Variants in BORCS5 observed in about 807,000 individuals in gnomAD.
BORCS5 encodes the protein BLOC-1 related complex subunit 5.
In BORCS5, 17 loss-of-function variants were observed where a neutral mutation model predicts 22.1. The observed-to-expected ratio is 0.77, with a 90% CI of 0.53 to 1.15. BORCS5 has a LOEUF of 1.15. BORCS5 is among the 50% of genes most tolerant of loss of function. BORCS5 has a pLI of 0.00. For synonymous variants in BORCS5, 117 were observed against 99.8 expected (o/e 1.17, Z -1.03); for missense variants, 247 against 253.2 (o/e 0.98, Z 0.17).
rs544710514 is a variant in BORCS5, at chr12:12,366,810, TTAG to T, written c.202+5465_202+5467del. ...AAGTTACAAAAATAATTATTCACTCTTAGTAGATGAATATGTGCATATTTACAC... is the reference window on the plus strand; with the variant it reads ...AAGTTACAAAAATAATTATTCACTCTTAGATGAATATGTGCATATTTACAC... On this transcript the variant is annotated intron_variant, in intron 2 of 3. Transcript: ENST00000314565. Among the ~76,000 whole-genome samples the T allele has an allele frequency of 1.6e-3, 245 of 152,328 alleles. 2 individuals are homozygous for T. Among genetic ancestry groups the T allele is most frequent in the Middle Eastern group, 3.4e-3 (1 of 294 alleles).
At chr12:12,447,502 G>A (rs946033403) in intron 3 of BORCS5, among the ~76,000 whole-genome samples, 3 of 152,234 alleles carry the variant, frequency 2.0e-5, no homozygotes, top group African/African-American at 7.2e-5. Flanking sequence ...GCTCCAGCCT[G>A]ATGTCCCGAG....
intron 2 of BORCS5, among the ~76,000 whole-genome samples, chr12:12,363,789 T>C (rs1863346156): frequency 6.6e-6 from 1 of 151,814 alleles, no homozygotes; most frequent in South Asian, 2.1e-4. Flanking sequence ...ACCCAGCTAC[T>C]CAGGAGGCTG....
At chr12:12,361,035 T>A (rs1041951075) in intron 1 of BORCS5, among the ~76,000 whole-genome samples, 171 bp from the exon 2 acceptor site, 5 of 152,174 alleles carry the variant, frequency 3.3e-5, no homozygotes, top group African/African-American at 7.2e-5. Context: ...CCTGAGCTTT[T>A]AAAAATACTA....
intron 3 of BORCS5, among the ~76,000 whole-genome samples, chr12:12,455,799 T>C (rs1472517099): frequency 1.3e-5 from 2 of 149,900 alleles, no homozygotes; most frequent in Non-Finnish European, 3.0e-5. Context: ...AAAAAAGCAG[T>C]CTTGATTAAG....
chr12:12,387,221 A>G (rs547940996), intron 2 of BORCS5, among the ~76,000 whole-genome samples: 1 of 151,318 alleles, frequency 6.6e-6, no homozygotes, highest in South Asian at 2.1e-4. Flanking sequence ...TTTCCTTCTT[A>G]TGGATATACC....
chr12:12,470,773 C>CA lies in BORCS5; in HGVS notation c.*5002dup, dbSNP rs150044934. Among the ~76,000 whole-genome samples, 625 of 150,806 alleles carry CA rather than the reference C, an allele frequency of 4.1e-3. 2 individuals carry two copies. Among genetic ancestry groups the CA allele is most frequent in the Non-Finnish European group, 6.3e-3 (430 of 67,766 alleles). ...AGATAATTATCCACATGCTTCAAAC[C>CA]AAAAAGATAAAAAAGTTGGCAACTA... On this transcript the variant is annotated 3_prime_UTR_variant, in exon 4 of 4. Transcript: ENST00000314565.
At chr12:12,421,419 A>T (rs1942119700) in intron 2 of BORCS5, among the ~76,000 whole-genome samples, 2 of 152,156 alleles carry the variant, frequency 1.3e-5, no homozygotes, top group South Asian at 4.1e-4. Flanking sequence ...CGTGGTAGGT[A>T]AGCTTTTTGA....
In BORCS5 at chr12:12,449,361, G is replaced by C. The variant is rs1264954647; in HGVS notation, c.360+13576G>C. Among the ~76,000 whole-genome samples, 4 of 152,324 alleles carry C rather than the reference G, an allele frequency of 2.6e-5. No individual in the cohort carries two copies. In the South Asian group the frequency reaches 8.3e-4, roughly 32 times the overall value. On this transcript the variant is annotated intron_variant, in intron 3 of 3. Coordinates refer to ENST00000314565, the MANE Select transcript of BORCS5 (RefSeq NM_058169.6). The stretch of plus-strand genomic sequence containing the variant: ...AAGGAACGGGAGGAGTGGGACTTCT[G>C]TCCCTCAGGCTTTTATTTTTACTTG...
At chr12:12,408,192 C>A (rs369989854) in intron 2 of BORCS5, among the ~76,000 whole-genome samples, 10 of 152,230 alleles carry the variant, frequency 6.6e-5, no homozygotes, top group South Asian at 4.1e-4. Flanking sequence ...TTTGTTTATC[C>A]TTTCATCCAT....
intron 2 of BORCS5, among the ~76,000 whole-genome samples, chr12:12,422,249 TA>T (rs1326357947): frequency 6.6e-6 from 1 of 152,152 alleles, no homozygotes; most frequent in Non-Finnish European, 1.5e-5. Context: ...GGTAACACAA[TA>T]ATTTGAATTT....
chr12:12,428,225 A>G (rs888592369), intron 2 of BORCS5, among the ~76,000 whole-genome samples: 2 of 152,226 alleles, frequency 1.3e-5, no homozygotes, highest in Non-Finnish European at 2.9e-5. Flanking sequence ...GCACTGTGCT[A>G]TAGAGAAACT....
At chr12:12,417,638 G>A (rs1299995618) in intron 2 of BORCS5, among the ~76,000 whole-genome samples, 2 of 152,016 alleles carry the variant, frequency 1.3e-5, no homozygotes, top group African/African-American at 2.4e-5. Flanking sequence ...TCTCTCATTA[G>A]GTGTATAAAT....
chr12:12,368,942 A>G (rs907157503), intron 2 of BORCS5, among the ~76,000 whole-genome samples: 11 of 152,330 alleles, frequency 7.2e-5, no homozygotes, highest in Admixed American at 4.6e-4. Flanking sequence ...ATAGTGTTCT[A>G]TAAATATCAC....
Position 12,357,150 on chromosome 12 carries a change from A to C in BORCS5, c.-302A>C. On this transcript the variant is annotated 5_prime_UTR_variant, in exon 1 of 4. Coordinates refer to ENST00000314565, the MANE Select transcript of BORCS5 (RefSeq NM_058169.6). The stretch of plus-strand genomic sequence containing the variant: ...GAAAGCGGCGCCGCCCGCCGGCCGC[A>C]GGTGCGGCAAAGCCAGTGTCATCTG... 5.2e-6 allele frequency: 8 copies of C among 1,532,918 alleles called. No individual in the cohort carries two copies. In the South Asian group the frequency reaches 7.2e-5, roughly 14 times the overall value. 95.0% of individuals were successfully genotyped at this position (1,532,918 alleles called of 1,614,324 possible).
chr12:12,408,139 T>A (rs1941635710), intron 2 of BORCS5, among the ~76,000 whole-genome samples: 1 of 152,226 alleles, frequency 6.6e-6, no homozygotes, highest in Non-Finnish European at 1.5e-5. Flanking sequence ...AGAATTTCAT[T>A]CTCTTTTTTA....
chr12:12,431,165 T>A (rs773513786), intron 2 of BORCS5, among the ~76,000 whole-genome samples: 1 of 152,202 alleles, frequency 6.6e-6, no homozygotes, highest in Non-Finnish European at 1.5e-5. Flanking sequence ...CATAGGGTGT[T>A]AACAACTTAC....
chr12:12,434,236 T>G (rs1565910817), intron 2 of BORCS5, among the ~76,000 whole-genome samples: 1 of 131,508 alleles, frequency 7.6e-6, no homozygotes, highest in Non-Finnish European at 1.5e-5. Flanking sequence ...TGAGCTAAGA[T>G]CACGCCACTG....
intron 2 of BORCS5, among the ~76,000 whole-genome samples, chr12:12,414,981 T>C (rs1941891917): frequency 8.5e-6 from 1 of 117,774 alleles, no homozygotes; most frequent in South Asian, 2.6e-4. Flanking sequence ...CCTCACTTCC[T>C]AGATGGGATG....
At chr12:12,438,512 G>T (rs1037818349) in intron 3 of BORCS5, among the ~76,000 whole-genome samples, 2 of 152,112 alleles carry the variant, frequency 1.3e-5, no homozygotes, top group African/African-American at 4.8e-5. Flanking sequence ...GGAAGTACCA[G>T]ACAGAGCTTC....
Sources: gnomAD v4.1 joint callset for allele counts (sites outside exome capture counted in the v4.1 genomes callset) on GRCh38, gnomAD v4.1.1 for gene constraint, MANE v1.5 for transcripts, NCBI Gene and HGNC (gene_info 2026-07-23, HGNC 2026-07-21) for gene names.